HMCN1: variants seen among roughly 807,000 people sequenced by gnomAD.
The protein encoded by HMCN1 is hemicentin 1.
In HMCN1, 321 loss-of-function variants were observed where a neutral mutation model predicts 625.9. The ratio of observed to expected loss-of-function variants is 0.51; its 90% CI spans 0.47 to 0.56. The LOEUF (loss-of-function observed/expected upper bound fraction) is 0.56. Among genes scored for constraint, HMCN1 ranks in the 20% least tolerant of loss-of-function variants. The pLI, the probability that HMCN1 is intolerant of heterozygous loss-of-function variation, is 0.00. For missense variants in HMCN1, 6,588 were observed against 6,887.3 expected (o/e 0.96, Z 1.54); for synonymous variants, 2,425 against 2,417.6 (o/e 1.00, Z -0.09).
At chr1:185,742,014 C>A (rs972918202) in intron 1 of HMCN1, among the ~76,000 whole-genome samples, 3 of 151,654 alleles carry the variant, frequency 2.0e-5, no homozygotes, top group South Asian at 4.2e-4. Flanking sequence ...TTGCTTTGAT[C>A]ATAGGGCTAA....
chr1:185,773,515 G>A (rs1489219401), intron 1 of HMCN1, among the ~76,000 whole-genome samples: 1 of 152,090 alleles, frequency 6.6e-6, no homozygotes, highest in Non-Finnish European at 1.5e-5. Context: ...CTTTTCATCA[G>A]CTTGAGGATG....
intron 6 of HMCN1, among the ~76,000 whole-genome samples, chr1:185,912,472 A>G (rs1461784249): frequency 6.6e-6 from 1 of 152,180 alleles, no homozygotes; most frequent in Admixed American, 6.6e-5. Context: ...AGGAAAAAAT[A>G]TACACTCAAA....
intron 67 of HMCN1, 85 bp from the exon 68 acceptor site, chr1:186,095,155 CATT>C (rs1660060628): frequency 6.1e-6 from 8 of 1,322,074 alleles, no homozygotes; most frequent in African/African-American, 1.5e-5. Context: ...ACCACAGAAA[CATT>C]ATAGAATTAT....
At chr1:186,010,481 C>CT (rs1653931111) in intron 30 of HMCN1, among the ~76,000 whole-genome samples, 1 of 151,988 alleles carries the variant, frequency 6.6e-6, no homozygotes, top group African/African-American at 2.4e-5. Flanking sequence ...TAAAGTAGAT[C>CT]CTTCCTGATA....
chr1:186,114,680 G>A, intron 73 of HMCN1, 139 bp from the exon 74 acceptor site: 1 of 954,044 alleles, frequency 1.0e-6, no homozygotes. Context: ...CTTCCACCAA[G>A]GGTATCATAA....
intron 1 of HMCN1, among the ~76,000 whole-genome samples, chr1:185,830,262 T>C (rs921750986): frequency 1.3e-5 from 2 of 152,208 alleles, no homozygotes; most frequent in Non-Finnish European, 2.9e-5. Flanking sequence ...TTAGATATCA[T>C]GTGTCAATTT....
At chr1:186,014,960 C>T (rs1319795679) in intron 30 of HMCN1, among the ~76,000 whole-genome samples, 199 bp from the exon 31 acceptor site, 1 of 152,010 alleles carries the variant, frequency 6.6e-6, no homozygotes, top group Non-Finnish European at 1.5e-5. Flanking sequence ...TCTGTTTTTA[C>T]TGAAATCTGA....
chr1:186,165,816 TTC>T (rs1651841882), intron 98 of HMCN1, among the ~76,000 whole-genome samples: 1 of 152,142 alleles, frequency 6.6e-6, no homozygotes, highest in South Asian at 2.1e-4. Context: ...TTTATGTAAC[TTC>T]TTTTTTCCTC....
chr1:186,137,017 C>T (rs1558251037), intron 87 of HMCN1, 80 bp downstream of exon 87: 19 of 1,501,326 alleles, frequency 1.3e-5, no homozygotes, highest in Non-Finnish European at 1.5e-5. Context: ...GCACTTTAGT[C>T]CAAGTCTCCT....
chr1:185,738,213 A>G (rs969152588), intron 1 of HMCN1, among the ~76,000 whole-genome samples: 4 of 152,212 alleles, frequency 2.6e-5, no homozygotes, highest in Non-Finnish European at 5.9e-5. Flanking sequence ...TTTTCAGTAT[A>G]TTCACAGATA....
At chr1:185,922,688 CT>C (rs1365671793) in intron 7 of HMCN1, among the ~76,000 whole-genome samples, 189 bp downstream of exon 7, 1 of 152,148 alleles carries the variant, frequency 6.6e-6, no homozygotes, top group Non-Finnish European at 1.5e-5. Context: ...ATAAAAATCA[CT>C]CAGGATGCTT....
At chr1:186,112,588 T>C (rs557708177) in intron 71 of HMCN1, among the ~76,000 whole-genome samples, 2 of 152,364 alleles carry the variant, frequency 1.3e-5, no homozygotes, top group Non-Finnish European at 2.9e-5. Flanking sequence ...TGGATCATTA[T>C]TGTCAGAGCA....
At chr1:185,793,808 T>C (rs538214349) in intron 1 of HMCN1, among the ~76,000 whole-genome samples, 1 of 152,278 alleles carries the variant, frequency 6.6e-6, no homozygotes, top group Admixed American at 6.5e-5. Flanking sequence ...CTGATATACT[T>C]CCCTTGGAGG....
intron 1 of HMCN1, among the ~76,000 whole-genome samples, chr1:185,785,164 C>G (rs1657475451): frequency 1.3e-5 from 2 of 152,118 alleles, no homozygotes; most frequent in African/African-American, 2.4e-5. Flanking sequence ...TTTCATTTCT[C>G]TTGGATAAAT....
At chr1:185,849,144 T>C (rs1269070794) in intron 2 of HMCN1, among the ~76,000 whole-genome samples, 1 of 152,094 alleles carries the variant, frequency 6.6e-6, no homozygotes. Flanking sequence ...GTGCCACTCT[T>C]TCTCCTAGGC....
chr1:186,076,567 A>G lies in HMCN1; in HGVS notation c.8430A>G (p.Thr2810=), dbSNP rs762974005. Residue 2810 remains threonine (T), a synonymous_variant, in exon 54 of 107, where the codon ACA becomes ACG. Transcript: ENST00000271588. ...ETNAAPPPTL[T]WYKDGHPLTS... ...ATGCTGCTCCCCCTCCTACACTGAC[A>G]TGGTACAAAGATGGCCACCCTCTGA... is the stretch of plus-strand genomic sequence containing the variant. The G allele has an allele frequency of 5.0e-6, 8 of 1,613,848 alleles. No homozygotes were observed. Among genetic ancestry groups the G allele is most frequent in the Non-Finnish European group, 5.9e-6 (7 of 1,179,824 alleles).
chr1:185,926,447 A>G (rs951611118), intron 9 of HMCN1, among the ~76,000 whole-genome samples: 1 of 152,224 alleles, frequency 6.6e-6, no homozygotes, highest in African/African-American at 2.4e-5. Flanking sequence ...ATATAAAATG[A>G]TGAAGCTACA....
At chr1:185,865,529 T>A (rs1450589225) in intron 3 of HMCN1, among the ~76,000 whole-genome samples, 1 of 150,760 alleles carries the variant, frequency 6.6e-6, no homozygotes, top group African/African-American at 2.4e-5. Context: ...ATCACCATGT[T>A]CCTATCTGGG....
chr1:186,130,596 C>T lies in HMCN1; in HGVS notation c.13129C>T (p.Pro4377Ser). The change falls in exon 85 of 107, where the codon CCC becomes TCC. Residue 4377 changes from proline to serine, a missense_variant. Pro to Ser is a moderately conservative substitution (Grantham distance 74, BLOSUM62 -1). Transcript: ENST00000271588. ...CCTGAATTGTGAGGTGAAAGGAGAC[C>T]CCACCCCAACCATCCAGTGGAACAG... ...AILNCEVKGD[P>S]TPTIQWNRKG... is the part of the protein sequence containing the mutation. 1 of 1,613,394 alleles carries T rather than the reference C, an allele frequency of 6.2e-7. No individual in the cohort carries two copies. Among genetic ancestry groups the T allele is most frequent in the Non-Finnish European group, 8.5e-7 (1 of 1,179,570 alleles).
Sources: allele counts gnomAD v4.1 joint callset (sites outside exome capture counted in the v4.1 genomes callset), GRCh38; gene constraint gnomAD v4.1.1; transcripts MANE v1.5; gene names NCBI Gene and HGNC (gene_info 2026-07-23, HGNC 2026-07-21).